Variants in LRRC37A3 observed in about 807,000 individuals in gnomAD.
LRRC37A3 encodes the protein leucine-rich repeat-containing protein 37A3.
Under a neutral mutation model 106.2 loss-of-function variants are expected in LRRC37A3, and 25 were observed. The observed-to-expected ratio is 0.24, with a 90% confidence interval of 0.17 to 0.33. LRRC37A3 has a LOEUF of 0.33. Ranked by LOEUF, LRRC37A3 falls within the 10% of genes least tolerant of loss-of-function variation. LRRC37A3 has a pLI of 1.00. For missense variants in LRRC37A3, 712 were observed against 1,644.9 expected (o/e 0.43, Z 9.81); for synonymous variants, 305 against 635.8 (o/e 0.48, Z 7.83).
At chr17:64,890,141 G>T (rs1486825166) in intron 5 of LRRC37A3, among the ~76,000 whole-genome samples, 1 of 116,586 alleles carries the variant, frequency 8.6e-6, no homozygotes, top group Admixed American at 8.2e-5. Context: ...ACCATGTCAG[G>T]GCTGCAAGTG....
intron 8 of LRRC37A3, among the ~76,000 whole-genome samples, chr17:64,874,491 GCCCGGCCAGCCGCCCCGT>G (rs980221784): frequency 6.7e-6 from 1 of 148,958 alleles, no homozygotes; most frequent in Admixed American, 6.7e-5. Context: ...GCCAGCCCCC[GCCCGGCCAGCCGCCCCGT>G]CCGGGAGGTG....
intron 12 of LRRC37A3, among the ~76,000 whole-genome samples, 198 bp from the exon 13 acceptor site, chr17:64,859,081 T>A (rs1427441571): frequency 6.6e-6 from 1 of 152,058 alleles, no homozygotes; most frequent in Non-Finnish European, 1.5e-5. Context: ...GCCTCCCAAG[T>A]AGCTGGGACT....
At chr17:64,893,621 T>C (rs1271843433) in intron 4 of LRRC37A3, among the ~76,000 whole-genome samples, 1 of 136,994 alleles carries the variant, frequency 7.3e-6, no homozygotes, top group Non-Finnish European at 1.5e-5. Context: ...TCCCTTTTTA[T>C]GCCTATTCTC....
chr17:64,916,586 G>C (rs1201500019), intron 2 of LRRC37A3, among the ~76,000 whole-genome samples: 5 of 147,658 alleles, frequency 3.4e-5, no homozygotes, highest in Non-Finnish European at 7.5e-5. Flanking sequence ...AATCAGTCTG[G>C]GCAACATATC....
At chr17:64,861,724 A>T (rs2143388326) in intron 11 of LRRC37A3, among the ~76,000 whole-genome samples, 1 of 152,308 alleles carries the variant, frequency 6.6e-6, no homozygotes, top group Middle Eastern at 3.4e-3. Flanking sequence ...CGGGATAAAC[A>T]TTACTTGAGG....
At chr17:64,911,031 C>T (rs1032977516) in intron 2 of LRRC37A3, among the ~76,000 whole-genome samples, 13 of 152,126 alleles carry the variant, frequency 8.5e-5, no homozygotes. Flanking sequence ...CATAAAATAG[C>T]TACCATTATT....
chr17:64,881,782 C>T (rs1253422973), intron 8 of LRRC37A3, among the ~76,000 whole-genome samples: 1 of 151,122 alleles, frequency 6.6e-6, no homozygotes, highest in East Asian at 1.9e-4. Context: ...CCTAGCAATG[C>T]GCTGGACACA....
chr17:64,919,216 G>T (rs1421352907), intron 1 of LRRC37A3, among the ~76,000 whole-genome samples: 1 of 151,980 alleles, frequency 6.6e-6, no homozygotes, highest in East Asian at 1.9e-4. Flanking sequence ...TCCGCAGAGG[G>T]AGCCGCGGGC....
At chr17:64,872,600 T>C (rs1224742174) in intron 8 of LRRC37A3, among the ~76,000 whole-genome samples, 5 of 152,176 alleles carry the variant, frequency 3.3e-5, no homozygotes, top group Admixed American at 1.3e-4. Flanking sequence ...TACAGACAAG[T>C]GTTTGAACAT....
At chr17:64,876,372 A>C (rs1249670054) in intron 8 of LRRC37A3, among the ~76,000 whole-genome samples, 1 of 152,034 alleles carries the variant, frequency 6.6e-6, no homozygotes, top group African/African-American at 2.4e-5. Flanking sequence ...TTTTGTAGAG[A>C]TAAGCTCTCA....
intron 8 of LRRC37A3, among the ~76,000 whole-genome samples, chr17:64,873,943 C>A (rs2143467528): frequency 6.6e-6 from 1 of 152,142 alleles, no homozygotes; most frequent in African/African-American, 2.4e-5. Context: ...TCAAGAAGCT[C>A]AAGGAACTAC....
At chr17:64,884,521 A>G (rs1277450387) in intron 8 of LRRC37A3, among the ~76,000 whole-genome samples, 1 of 150,722 alleles carries the variant, frequency 6.6e-6, no homozygotes, top group Admixed American at 6.6e-5. Flanking sequence ...GCCTGCCACC[A>G]TGCCCAGCTA....
rs139954718 is a variant in LRRC37A3 at position 64,862,899 on chromosome 17, C to G, written c.3172+1G>C. On this transcript the variant is annotated splice_donor_variant, in intron 11 of 14. Coordinates refer to ENST00000584306, the MANE Select transcript of LRRC37A3 (RefSeq NM_199340.5). LOFTEE classifies it high-confidence loss of function. ...TTTATCACCATGCAATTTGGACTCACGACAATGTGTGGTGTTTGTCAGACA... is the reference window on the plus strand; with the variant it reads ...TTTATCACCATGCAATTTGGACTCAGGACAATGTGTGGTGTTTGTCAGACA... 2.4e-5 allele frequency: 38 copies of G among 1,599,162 alleles called. No individual in the cohort carries two copies. In the African/African-American group the frequency reaches 4.3e-4, roughly 18 times the overall value.
At chr17:64,909,280 C>CA (rs1974531066) in intron 2 of LRRC37A3, among the ~76,000 whole-genome samples, 1 of 151,958 alleles carries the variant, frequency 6.6e-6, no homozygotes, top group Non-Finnish European at 1.5e-5. Flanking sequence ...AGAAAAAAAA[C>CA]AAAAAACAAC....
chr17:64,918,203 T>TA (rs1201668523), intron 2 of LRRC37A3, among the ~76,000 whole-genome samples: 5 of 151,594 alleles, frequency 3.3e-5, no homozygotes, highest in African/African-American at 4.8e-5. Context: ...AAAAAAAACT[T>TA]AAACAGAAAA....
rs1228434563 is a variant in LRRC37A3 at position 64,874,405 on chromosome 17, G to T, written c.2907-5239C>A. On this transcript the variant is annotated intron_variant, in intron 8 of 14. Transcript: ENST00000584306. ...CGTCTGAGAAGTGAGGAGCCCCTCC[G>T]CCCGGCAGTCGCCCCGTCTGAGAAG... Among the ~76,000 whole-genome samples, 6 of 150,586 alleles carry T rather than the reference G, an allele frequency of 4.0e-5. No homozygotes were observed. The Admixed American group carries it at 4.0e-4, about 10-fold the overall frequency.
At chr17:64,862,870 A>G (rs779479601) in intron 11 of LRRC37A3, 30 bp downstream of exon 11, 17 of 1,598,606 alleles carry the variant, frequency 1.1e-5, no homozygotes, top group Non-Finnish European at 1.0e-5. Flanking sequence ...ACTTAATGTA[A>G]CAATTTATCA....
intron 8 of LRRC37A3, among the ~76,000 whole-genome samples, chr17:64,874,512 G>A (rs1301596108): frequency 3.3e-5 from 5 of 151,730 alleles, no homozygotes; most frequent in South Asian, 2.1e-4. Flanking sequence ...CGCCCCGTCC[G>A]GGAGGTGGGG....
At position 64,868,506 on chromosome 17, in the gene LRRC37A3, T is replaced by C; in HGVS notation, c.3009A>G (p.Thr1003=). The change falls in exon 10 of 15, where the codon ACA becomes ACG. Residue 1003 remains threonine, a synonymous_variant. Transcript: ENST00000584306. ...LDMGTTLVPL[T]TLKNILMMTV... ...TCATCATGAGAATGTTCTTAAGTGTTGTAAGTGGGACTAGCGTTGTTCCCA... is the reference window on the plus strand; with the variant it reads ...TCATCATGAGAATGTTCTTAAGTGTCGTAAGTGGGACTAGCGTTGTTCCCA... 1 of 1,610,644 alleles carries C rather than the reference T, an allele frequency of 6.2e-7. No individual in the cohort carries two copies. The highest frequency in any genetic ancestry group is 8.5e-7 in the Non-Finnish European group (1 of 1,178,892).
Sources: allele counts gnomAD v4.1 joint callset (sites outside exome capture counted in the v4.1 genomes callset), GRCh38; gene constraint gnomAD v4.1.1; transcripts MANE v1.5; gene names NCBI Gene and HGNC (gene_info 2026-07-23, HGNC 2026-07-21).